TJP1: variants seen among roughly 807,000 people sequenced by gnomAD.
TJP1 encodes the protein tight junction protein 1.
TJP1 carries 43 observed loss-of-function variants against 194.2 expected under a neutral mutation model. That is an observed-to-expected ratio of 0.22 (90% CI 0.17 to 0.29). TJP1 has a LOEUF of 0.29. Among genes scored for constraint, TJP1 ranks in the 10% least tolerant of loss-of-function variants. TJP1 has a pLI of 1.00. For missense variants in TJP1, 1,971 were observed against 2,185.7 expected, an observed-to-expected ratio of 0.90 and a Z score of 1.96; for synonymous variants, 801 against 779.0, an observed-to-expected ratio of 1.03 and a Z score of -0.47.
At position 29,706,718 on chromosome 15, in the gene TJP1, C is replaced by A. The variant is rs998924471; in HGVS notation, c.4851-973G>T. Among the ~76,000 whole-genome samples, 3 of 151,962 alleles carry A rather than the reference C, an allele frequency of 2.0e-5. No homozygotes were observed. The South Asian group carries it at 6.2e-4, about 32-fold the overall frequency. ...TGCTGTCACCCAGGCTAGAGTACAG[C>A]GGTGCAATCTTGGCTCACTGCAACC... On this transcript the variant is annotated intron_variant, in intron 25 of 27. Coordinates refer to ENST00000614355, the MANE Select transcript of TJP1 (RefSeq NM_001330239.4).
At chr15:29,771,981 G>T in intron 4 of TJP1, 83 bp downstream of exon 4, 1 of 856,114 alleles carries the variant, frequency 1.2e-6, no homozygotes. Flanking sequence ...TTCCTTAAAT[G>T]GGAAGGATAA....
At chr15:29,951,132 A>G (rs1220232838) in intron 2 of TJP1, among the ~76,000 whole-genome samples, 4 of 152,094 alleles carry the variant, frequency 2.6e-5, no homozygotes, top group Non-Finnish European at 5.9e-5. Flanking sequence ...ACAGGGTTAC[A>G]GATATTTCCT....
At chr15:29,716,112 G>A (rs918298546) in intron 23 of TJP1, among the ~76,000 whole-genome samples, 1 of 152,130 alleles carries the variant, frequency 6.6e-6, no homozygotes, top group Admixed American at 6.5e-5. Context: ...AAGATGACTG[G>A]GAGTCAAGAA....
chr15:29,940,473 C>G (rs2152282836), intron 2 of TJP1, among the ~76,000 whole-genome samples: 1 of 152,250 alleles, frequency 6.6e-6, no homozygotes, highest in Middle Eastern at 3.4e-3. Flanking sequence ...CATATAATAA[C>G]CAGATGAACT....
Position 29,732,518 on chromosome 15 carries a change from C to T in TJP1, c.1932G>A (p.Leu644=), listed in dbSNP as rs1365895351. The change falls in exon 15 of 28, where the codon CTG becomes CTA. Residue 644 remains leucine (L), a synonymous_variant. Transcript: ENST00000614355. The part of the protein sequence containing the change: ...ERVVLREAGF[L]RPVTIFGPIA... The stretch of plus-strand genomic sequence containing the variant: ...TTGGTCCAAAAATGGTTACAGGCCT[C>T]AGAAATCCAGCTGGAGAGAAATTCA... The T allele has an allele frequency of 1.2e-6, 2 of 1,614,112 alleles. No individual in the cohort carries two copies. Among genetic ancestry groups the T allele is most frequent in the Admixed American group, 1.7e-5 (1 of 60,020 alleles).
At chr15:29,911,100 C>T (rs1021992549) in intron 2 of TJP1, among the ~76,000 whole-genome samples, 10 of 152,282 alleles carry the variant, frequency 6.6e-5, no homozygotes, top group Admixed American at 5.9e-4. Context: ...CACCTTATTC[C>T]TCTACAATAC....
chr15:29,706,341 A>T (rs979378791), intron 25 of TJP1, among the ~76,000 whole-genome samples: 1 of 152,242 alleles, frequency 6.6e-6, no homozygotes, highest in Non-Finnish European at 1.5e-5. Context: ...TCATTAATGA[A>T]TTGCAACCTG....
chr15:29,860,791 G>A (rs1408999035), intron 2 of TJP1, among the ~76,000 whole-genome samples: 8 of 152,156 alleles, frequency 5.3e-5, no homozygotes. Flanking sequence ...TTCTTAAATG[G>A]AAGGTTTATG....
At chr15:29,733,482 ACT>A (rs2043808016) in intron 12 of TJP1, among the ~76,000 whole-genome samples, 169 bp from the exon 13 acceptor site, 1 of 152,226 alleles carries the variant, frequency 6.6e-6, no homozygotes, top group Non-Finnish European at 1.5e-5. Context: ...AAGAATTGAA[ACT>A]CTTAGTACTT....
chr15:29,749,535 T>TCA (rs2045101860), intron 8 of TJP1, among the ~76,000 whole-genome samples: 1 of 152,120 alleles, frequency 6.6e-6, no homozygotes, highest in African/African-American at 2.4e-5. Context: ...GTGCATCCCC[T>TCA]CAGCATGCTC....
chr15:29,704,367 T>G (rs531991532), intron 26 of TJP1, 62 bp from the exon 27 acceptor site: 3 of 1,521,584 alleles, frequency 2.0e-6, no homozygotes, highest in Non-Finnish European at 2.7e-6. Context: ...AGAATCCCAG[T>G]TTTCCTCACC....
At chr15:29,815,122 G>C (rs1468104168) in intron 1 of TJP1, among the ~76,000 whole-genome samples, 3 of 152,114 alleles carry the variant, frequency 2.0e-5, no homozygotes, top group African/African-American at 7.2e-5. Flanking sequence ...GAATTTATCT[G>C]TTTAAGAGGA....
intron 2 of TJP1, among the ~76,000 whole-genome samples, chr15:29,949,536 C>T (rs796979824): frequency 7.0e-6 from 1 of 143,108 alleles, no homozygotes; most frequent in South Asian, 2.3e-4. Flanking sequence ...ACCACCTCCA[C>T]CACCACCACC....
chr15:29,801,188 C>T (rs555614622), intron 1 of TJP1, among the ~76,000 whole-genome samples: 2 of 152,292 alleles, frequency 1.3e-5, no homozygotes, highest in Admixed American at 1.3e-4. Flanking sequence ...ACGTCACAAA[C>T]ATGACTACTC....
At chr15:29,794,244 T>C (rs1567041308) in intron 2 of TJP1, among the ~76,000 whole-genome samples, 1 of 152,194 alleles carries the variant, frequency 6.6e-6, no homozygotes, top group Non-Finnish European at 1.5e-5. Flanking sequence ...GATTTTGTCA[T>C]AGTCTCTCTG....
At chr15:29,967,174 C>T (rs935099459) in intron 1 of TJP1, among the ~76,000 whole-genome samples, 2 of 151,850 alleles carry the variant, frequency 1.3e-5, no homozygotes, top group Non-Finnish European at 2.9e-5. Context: ...CCACCATGCC[C>T]GGGTAATTTT....
In TJP1 at chr15:29,806,235, TA is replaced by T. The variant is rs200921752; in HGVS notation, c.28-5534del. 2.6e-5 allele frequency among the ~76,000 whole-genome samples: 4 copies of T among 152,232 alleles called. No individual in the cohort carries two copies. The East Asian group carries it at 7.7e-4, about 29-fold the overall frequency. On this transcript the variant is annotated intron_variant, in intron 1 of 27. Coordinates refer to ENST00000614355, the MANE Select transcript of TJP1 (RefSeq NM_001330239.4). ...GTGCTGAAGTCAAAAGGAAAAGATGTAATTACCCAAGGACTAAGATAACCCT... is the reference window on the plus strand; with the variant it reads ...GTGCTGAAGTCAAAAGGAAAAGATGTATTACCCAAGGACTAAGATAACCCT...
At chr15:29,855,955 C>T (rs1421799137) in intron 2 of TJP1, among the ~76,000 whole-genome samples, 2 of 152,134 alleles carry the variant, frequency 1.3e-5, no homozygotes, top group Non-Finnish European at 2.9e-5. Context: ...CTTATTAAAA[C>T]GTAAGGAACA....
intron 2 of TJP1, among the ~76,000 whole-genome samples, chr15:29,930,907 G>C (rs556907564): frequency 2.6e-5 from 4 of 152,266 alleles, no homozygotes; most frequent in Non-Finnish European, 5.9e-5. Context: ...TACATGTCTA[G>C]ACATGAGCAT....
Sources: gnomAD v4.1 joint callset for allele counts (sites outside exome capture counted in the v4.1 genomes callset) on GRCh38, gnomAD v4.1.1 for gene constraint, MANE v1.5 for transcripts, NCBI Gene and HGNC (gene_info 2026-07-23, HGNC 2026-07-21) for gene names.